HMCN1: variants seen among roughly 807,000 people sequenced by gnomAD.
HMCN1 encodes the protein hemicentin-1.
Under a neutral mutation model 625.9 loss-of-function variants are expected in HMCN1, and 321 were observed. The observed-to-expected ratio is 0.51, with a 90% confidence interval of 0.47 to 0.56. The LOEUF (loss-of-function observed/expected upper bound fraction) is 0.56. HMCN1 is among the 20% of genes least tolerant of loss of function. The probability of loss-of-function intolerance (pLI) is 0.00; values close to 1 mark genes in which losing one functional copy is unlikely to be tolerated. For synonymous variants in HMCN1, 2,425 were observed against 2,417.6 expected, an observed-to-expected ratio of 1.00 and a Z score of -0.09; for missense variants, 6,588 against 6,887.3, an observed-to-expected ratio of 0.96 and a Z score of 1.54.
In HMCN1 at chr1:186,019,642, A is replaced by G. The variant is rs200642806; in HGVS notation, c.5572A>G (p.Ile1858Val). Residue 1858 changes from isoleucine to valine, a missense_variant, in exon 35 of 107, where the codon ATT becomes GTT. This residue lies in a region of HMCN1 where 4,628 missense variants were observed against 4,853.1 expected (regional missense o/e 0.95). Transcript: ENST00000271588. ...AGCCAATGGGATTCCAAATCCTTCCATTACATGGTTAAAAGATGACCAGCC... is the reference window on the plus strand; with the variant it reads ...AGCCAATGGGATTCCAAATCCTTCCGTTACATGGTTAAAAGATGACCAGCC... ...CIANGIPNPSITWLKDDQPVN... is the reference protein window; with the variant it reads ...CIANGIPNPSVTWLKDDQPVN... 6.2e-7 allele frequency: 1 copy of G among 1,612,352 alleles called. No homozygotes were observed. Among genetic ancestry groups the G allele is most frequent in the Non-Finnish European group, 8.5e-7 (1 of 1,178,724 alleles).
chr1:185,963,836 G>A lies in HMCN1; in HGVS notation c.2039G>A (p.Gly680Asp), dbSNP rs781444983. ...NAAPKDAGIY[G>D]CLASNSAGTD... ...GCTCCCAAAGATGCAGGGATCTATG[G>A]TTGCCTAGCAAGTAATTCAGCTGGA... Residue 680 changes from glycine (G) to aspartate (D), a missense_variant, in exon 13 of 107, where the codon GGT (glycine) becomes GAT (aspartate). Physicochemically the swap from Gly to Asp is moderately conservative, Grantham distance 94. This residue lies in a region of HMCN1 where 4,628 missense variants were observed against 4,853.1 expected (regional missense o/e 0.95). Coordinates refer to ENST00000271588, the MANE Select transcript of HMCN1 (RefSeq NM_031935.3). 6.2e-7 allele frequency: 1 copy of A among 1,611,610 alleles called. No homozygotes were observed. Among genetic ancestry groups the A allele is most frequent in the African/African-American group, 1.3e-5 (1 of 74,820 alleles).
At chr1:185,786,820 C>T (rs917505969) in intron 1 of HMCN1, among the ~76,000 whole-genome samples, 2 of 152,154 alleles carry the variant, frequency 1.3e-5, no homozygotes, top group Non-Finnish European at 2.9e-5. Context: ...AATTTCCCAT[C>T]TGTGGTTAGT....
chr1:185,867,898 G>A (rs760596056), intron 4 of HMCN1, among the ~76,000 whole-genome samples: 15 of 151,894 alleles, frequency 9.9e-5, no homozygotes, highest in Non-Finnish European at 1.5e-4. Context: ...GTGAAAACCC[G>A]TCTCTACTAA....
At chr1:185,837,100 G>A (rs544676397) in intron 1 of HMCN1, among the ~76,000 whole-genome samples, 1 of 150,422 alleles carries the variant, frequency 6.6e-6, no homozygotes, top group East Asian at 1.9e-4. Flanking sequence ...ACTGTTGATG[G>A]GCATTTAGGT....
At chr1:185,834,999 GATAAC>G (rs1163734570) in intron 1 of HMCN1, among the ~76,000 whole-genome samples, 1 of 152,172 alleles carries the variant, frequency 6.6e-6, no homozygotes, top group East Asian at 1.9e-4. Context: ...AACAGTGACA[GATAAC>G]ATAACTTGAC....
At position 185,984,216 on chromosome 1, in the gene HMCN1, T is replaced by C. The variant is rs776959254; in HGVS notation, c.2838T>C (p.His946=). The C allele has an allele frequency of 5.6e-6, 9 of 1,613,544 alleles. No homozygotes were observed. The highest frequency in any genetic ancestry group is 1.3e-5 in the African/African-American group (1 of 74,876). The change falls in exon 19 of 107, where the codon CAT becomes CAC. Residue 946 remains histidine, a synonymous_variant. Coordinates refer to ENST00000271588, the MANE Select transcript of HMCN1 (RefSeq NM_031935.3). The part of the protein sequence containing the change: ...YITVRSDGSL[H]IERVQLQDGG... The stretch of plus-strand genomic sequence containing the variant: ...CTGTGCGCAGTGATGGGAGCCTCCA[T>C]ATTGAAAGAGTTCAGCTTCAGGATG...
chr1:186,128,337 A>C lies in HMCN1; in HGVS notation c.12904+46A>C, dbSNP rs756577001. On this transcript the variant is annotated intron_variant, in intron 83 of 106. Coordinates refer to ENST00000271588, the MANE Select transcript of HMCN1 (RefSeq NM_031935.3). ...GAAGTGAATAAATACACCTATGTAG[A>C]ACTCTAGACGAAGCTCTGTTTCCTC... 3 of 1,437,710 alleles carry C rather than the reference A, an allele frequency of 2.1e-6. No homozygotes were observed. In the African/African-American group the frequency reaches 4.2e-5, roughly 20 times the overall value. The allele number at this position is 1,437,710 out of a possible 1,614,324, so 89.1% of individuals were successfully genotyped here. A position where few individuals can be genotyped will look rare whatever the true frequency, so the allele number is the denominator to read the frequency against.
intron 1 of HMCN1, among the ~76,000 whole-genome samples, chr1:185,760,098 G>C (rs1322001337): frequency 6.6e-6 from 1 of 152,124 alleles, no homozygotes; most frequent in Non-Finnish European, 1.5e-5. Context: ...CTTACTAGTG[G>C]GGATAGGATA....
Position 186,057,393 on chromosome 1 carries a change from T to A in HMCN1, c.7304T>A (p.Ile2435Asn), listed in dbSNP as rs540128845. ...GTCAGCCTTAGCAATTCTGTGAGGA[T>A]TCTTTCAGGTATTAGAAATTCTGGT... ...WPVSLSNSVR[I>N]LSGGRMLRLM... is the part of the protein sequence containing the mutation. The change falls in exon 46 of 107, where the codon ATT becomes AAT. Residue 2435 changes from isoleucine (I) to asparagine (N), a missense_variant. Physicochemically the swap from Ile to Asn is moderately radical, Grantham distance 149. Coordinates refer to ENST00000271588, the MANE Select transcript of HMCN1 (RefSeq NM_031935.3). 160 of 1,605,566 alleles carry A rather than the reference T, an allele frequency of 1.0e-4. 1 individual carries two copies. In the South Asian group the frequency reaches 1.7e-3, roughly 17 times the overall value.
At chr1:186,013,433 A>G (rs980951421) in intron 30 of HMCN1, among the ~76,000 whole-genome samples, 1 of 152,212 alleles carries the variant, frequency 6.6e-6, no homozygotes, top group Non-Finnish European at 1.5e-5. Context: ...AAAGTATAGT[A>G]GATCTTGCCT....
intron 11 of HMCN1, among the ~76,000 whole-genome samples, chr1:185,952,938 CA>C (rs1454225823): frequency 1.3e-5 from 2 of 150,944 alleles, no homozygotes; most frequent in Non-Finnish European, 2.9e-5. Flanking sequence ...GATTGGGGCA[CA>C]GAGATAAGAG....
chr1:185,863,232 C>A (rs1348617864), intron 2 of HMCN1, among the ~76,000 whole-genome samples: 2 of 152,222 alleles, frequency 1.3e-5, no homozygotes, highest in Non-Finnish European at 2.9e-5. Context: ...TGATCCCAAG[C>A]TGCCCTGCTT....
intron 86 of HMCN1, among the ~76,000 whole-genome samples, chr1:186,132,888 G>A (rs1025853091): frequency 2.4e-4 from 36 of 151,928 alleles, no homozygotes; most frequent in African/African-American, 8.0e-4. Flanking sequence ...GAGAACATGC[G>A]GTGTTTGGGT....
intron 53 of HMCN1, among the ~76,000 whole-genome samples, chr1:186,076,098 A>C (rs1352365961): frequency 6.6e-6 from 1 of 152,184 alleles, no homozygotes; most frequent in South Asian, 2.1e-4. Flanking sequence ...TCTCAAAATT[A>C]GTCTTTCCTG....
At chr1:185,831,737 A>G (rs1266345052) in intron 1 of HMCN1, among the ~76,000 whole-genome samples, 5 of 152,192 alleles carry the variant, frequency 3.3e-5, no homozygotes, top group Admixed American at 1.3e-4. Context: ...TAGAAGAAAT[A>G]CCCCAATTCA....
Position 186,065,400 on chromosome 1 carries a change from A to G in HMCN1, c.7676A>G (p.Lys2559Arg), listed in dbSNP as rs1009060988. The change falls in exon 49 of 107, where the codon AAG (lysine) becomes AGG (arginine). Residue 2559 changes from lysine to arginine, a missense_variant. Around this residue, in one of 3 missense-constraint regions of HMCN1, gnomAD observed 4,628 missense variants for 4,853.1 expected, o/e 0.95. Coordinates refer to ENST00000271588, the MANE Select transcript of HMCN1 (RefSeq NM_031935.3). ...TTGGCTTCCAGTCCAGCTGGCCACAAGAGCAGGAGCTTCAGTCTTAATGTA... is the reference window on the plus strand; with the variant it reads ...TTGGCTTCCAGTCCAGCTGGCCACAGGAGCAGGAGCTTCAGTCTTAATGTA... ...TCLASSPAGHKSRSFSLNVFV... is the reference protein window; with the variant it reads ...TCLASSPAGHRSRSFSLNVFV... 6.2e-6 allele frequency: 10 copies of G among 1,608,772 alleles called. No individual in the cohort carries two copies. The African/African-American group carries it at 9.4e-5, about 15-fold the overall frequency.
At chr1:185,999,085 A>G (rs979665224) in intron 25 of HMCN1, among the ~76,000 whole-genome samples, 4 of 151,942 alleles carry the variant, frequency 2.6e-5, no homozygotes, top group African/African-American at 9.7e-5. Flanking sequence ...ACTCAATTTA[A>G]GTGTAGCTTC....
chr1:186,127,722 G>C (rs1661715749), intron 82 of HMCN1, among the ~76,000 whole-genome samples: 1 of 152,106 alleles, frequency 6.6e-6, no homozygotes, highest in Admixed American at 6.6e-5. Flanking sequence ...TACCGCCTTA[G>C]AGAGCCAATT....
Position 186,136,834 on chromosome 1 carries a change from A to G in HMCN1, c.13479A>G (p.Ser4493=), listed in dbSNP as rs371860193. ...DDRVNVLSNN[S]LYIADAQKED... is the part of the protein sequence containing the mutation. ...GGGTTAACGTGTTGTCCAACAACTCATTATATATTGCTGATGCTCAGAAAG... is the reference window on the plus strand; with the variant it reads ...GGGTTAACGTGTTGTCCAACAACTCGTTATATATTGCTGATGCTCAGAAAG... Residue 4493 remains serine (S), a synonymous_variant, in exon 87 of 107, where the codon TCA becomes TCG. Transcript: ENST00000271588. 2.5e-6 allele frequency: 4 copies of G among 1,613,940 alleles called. No homozygotes were observed. Among genetic ancestry groups the G allele is most frequent in the Middle Eastern group, 1.6e-4 (1 of 6,084 alleles).
Sources: allele counts gnomAD v4.1 joint callset (sites outside exome capture counted in the v4.1 genomes callset), GRCh38; gene constraint gnomAD v4.1.1; regional missense constraint gnomAD v4.1.1; transcripts MANE v1.5; gene names NCBI Gene and HGNC (gene_info 2026-07-23, HGNC 2026-07-21).